The following LRRC7 variants were observed in gnomAD, a reference collection of about 807,000 sequenced individuals.
LRRC7 encodes the protein leucine-rich repeat-containing protein 7.
A neutral mutation model predicts 175.7 loss-of-function variants in LRRC7; 23 were observed. That is an observed-to-expected ratio of 0.13 (90% CI 0.09 to 0.19). The LOEUF (loss-of-function observed/expected upper bound fraction) is 0.19, where lower values mean the gene tolerates loss of function less well. LRRC7 is among the 10% of genes least tolerant of loss of function. LRRC7 has a pLI of 1.00. For synonymous variants in LRRC7, 685 were observed against 680.9 expected (o/e 1.01, Z -0.09); for missense variants, 1,354 against 1,904.7 (o/e 0.71, Z 5.38).
intron 2 of LRRC7, among the ~76,000 whole-genome samples, chr1:69,756,017 A>C (rs1670383467): frequency 6.6e-6 from 1 of 151,978 alleles, no homozygotes; most frequent in South Asian, 2.1e-4. Context: ...ACAGGGACCA[A>C]GGGGAAAAAG....
At chr1:69,569,561 C>A (rs114110055) in intron 1 of LRRC7, among the ~76,000 whole-genome samples, 21,967 of 151,032 alleles carry the variant, frequency 0.15, 2,009 homozygotes, top group Admixed American at 0.22. Context: ...GGTCTCTAAT[C>A]TTACTGTTTG....
At chr1:69,680,265 G>A (rs1034011208) in intron 2 of LRRC7, among the ~76,000 whole-genome samples, 1 of 152,098 alleles carries the variant, frequency 6.6e-6, no homozygotes, top group African/African-American at 2.4e-5. Context: ...GCTCAAGCTT[G>A]AAAACTACTA....
chr1:70,036,145 G>T lies in LRRC7; in HGVS notation c.2020G>T (p.Glu674Ter). The T allele has an allele frequency of 1.2e-6, 2 of 1,612,316 alleles. No homozygotes were observed. Among genetic ancestry groups the T allele is most frequent in the South Asian group, 2.2e-5 (2 of 90,724 alleles). ...GGATTCTTTTGTTCATCCAGCTAAT[G>T]AAATGAGGATTGGGGAACTTCACCC... ...VEDSFVHPAN[E>*]MRIGELHPSL... is the part of the protein sequence containing the mutation. Residue 674 changes from glutamate (E) to a stop codon, truncating the protein, a stop_gained, in exon 19 of 27, where the codon GAA becomes TAA. Transcript: ENST00000651989. LOFTEE classifies it high-confidence loss of function.
chr1:69,905,573 C>G (rs1646277201), intron 7 of LRRC7, among the ~76,000 whole-genome samples: 1 of 152,118 alleles, frequency 6.6e-6, no homozygotes, highest in African/African-American at 2.4e-5. Context: ...CATGTCTGTA[C>G]AAAGGACATG....
At chr1:70,103,171 T>C (rs919759195) in intron 25 of LRRC7, among the ~76,000 whole-genome samples, 1 of 151,792 alleles carries the variant, frequency 6.6e-6, no homozygotes, top group Non-Finnish European at 1.5e-5. Flanking sequence ...AAAGGCTGCA[T>C]TGAGCCATGA....
chr1:69,643,385 C>T (rs1181900467), intron 1 of LRRC7, among the ~76,000 whole-genome samples: 1 of 152,048 alleles, frequency 6.6e-6, no homozygotes, highest in African/African-American at 2.4e-5. Flanking sequence ...AAAAAGAGTG[C>T]TTGTACAAAT....
At chr1:69,677,624 G>A (rs1036030668) in intron 1 of LRRC7, among the ~76,000 whole-genome samples, 1 of 152,030 alleles carries the variant, frequency 6.6e-6, no homozygotes, top group African/African-American at 2.4e-5. Context: ...GGGTAAGGTG[G>A]TATCTCATTG....
chr1:69,695,170 A>G (rs1043929082), intron 2 of LRRC7, among the ~76,000 whole-genome samples: 4 of 152,188 alleles, frequency 2.6e-5, no homozygotes, highest in African/African-American at 9.6e-5. Flanking sequence ...TCAGATGGAA[A>G]TGAGGAAATT....
chr1:69,936,233 T>C (rs1648003834), intron 8 of LRRC7, among the ~76,000 whole-genome samples: 1 of 152,166 alleles, frequency 6.6e-6, no homozygotes, highest in African/African-American at 2.4e-5. Context: ...CATTTACTTT[T>C]TGTATGCATT....
chr1:69,571,570 G>GT (rs1390463867), intron 1 of LRRC7, among the ~76,000 whole-genome samples: 1 of 149,262 alleles, frequency 6.7e-6, no homozygotes, highest in Admixed American at 6.7e-5. Context: ...TCAGCATATA[G>GT]TACATGATTA....
At chr1:69,983,164 T>G (rs1387608589) in intron 9 of LRRC7, among the ~76,000 whole-genome samples, 1 of 152,136 alleles carries the variant, frequency 6.6e-6, no homozygotes, top group African/African-American at 2.4e-5. Context: ...GTGACAATAT[T>G]TTTCCAAGTG....
chr1:70,001,809 C>T (rs535618121), intron 11 of LRRC7, among the ~76,000 whole-genome samples: 99 of 152,158 alleles, frequency 6.5e-4, no homozygotes, highest in Non-Finnish European at 1.0e-3. Context: ...TAATAATGAG[C>T]GCCTTTTTTT....
At chr1:69,811,831 G>C (rs1394854323) in intron 4 of LRRC7, among the ~76,000 whole-genome samples, 1 of 152,130 alleles carries the variant, frequency 6.6e-6, no homozygotes, top group East Asian at 1.9e-4. Context: ...GTGACAGGTT[G>C]ATGGGTGCAG....
chr1:69,666,722 A>G (rs938451724), intron 1 of LRRC7, among the ~76,000 whole-genome samples: 2 of 151,866 alleles, frequency 1.3e-5, no homozygotes, highest in African/African-American at 4.8e-5. Context: ...ACTCTGGCTA[A>G]AGGCTTGTCA....
intron 2 of LRRC7, among the ~76,000 whole-genome samples, chr1:69,744,252 C>A (rs1351854718): frequency 6.6e-6 from 1 of 151,830 alleles, no homozygotes; most frequent in African/African-American, 2.4e-5. Flanking sequence ...ATGCTCTCAA[C>A]TGCAATACAC....
intron 2 of LRRC7, among the ~76,000 whole-genome samples, chr1:69,718,393 T>A (rs1421830721): frequency 6.6e-6 from 1 of 151,770 alleles, no homozygotes; most frequent in Admixed American, 6.6e-5. Flanking sequence ...ATTTGAGACC[T>A]GGAACACTAA....
chr1:69,844,080 T>A (rs1277179374), intron 7 of LRRC7, among the ~76,000 whole-genome samples: 1 of 152,174 alleles, frequency 6.6e-6, no homozygotes, highest in African/African-American at 2.4e-5. Flanking sequence ...TCTCAAGTAA[T>A]TCAGAAAAAC....
chr1:69,911,980 A>G (rs1247402796), intron 7 of LRRC7, among the ~76,000 whole-genome samples: 1 of 152,144 alleles, frequency 6.6e-6, no homozygotes, highest in East Asian at 1.9e-4. Context: ...AGTATAACAA[A>G]TCTTTACAAA....
At chr1:69,815,886 C>G (rs1678527264) in intron 4 of LRRC7, among the ~76,000 whole-genome samples, 1 of 152,126 alleles carries the variant, frequency 6.6e-6, no homozygotes, top group Non-Finnish European at 1.5e-5. Flanking sequence ...CCACTGGGAG[C>G]AGACTTGCCC....
Sources: allele counts gnomAD v4.1 joint callset (sites outside exome capture counted in the v4.1 genomes callset), GRCh38; gene constraint gnomAD v4.1.1; transcripts MANE v1.5; gene names NCBI Gene and HGNC (gene_info 2026-07-23, HGNC 2026-07-21).